Variants in MACROD2 observed in about 807,000 individuals in gnomAD.
MACROD2 encodes ADP-ribose glycohydrolase MACROD2.
Under a neutral mutation model 70.4 loss-of-function variants are expected in MACROD2, and 36 were observed. The observed-to-expected ratio is 0.51, with a 90% confidence interval of 0.39 to 0.68. MACROD2 has a LOEUF of 0.68. Ranked by LOEUF, MACROD2 falls within the 30% of genes least tolerant of loss-of-function variation. MACROD2 has a pLI of 0.00. For synonymous variants in MACROD2, 172 were observed against 178.8 expected (o/e 0.96, Z 0.30); for missense variants, 496 against 538.4 (o/e 0.92, Z 0.78).
intron 6 of MACROD2, among the ~76,000 whole-genome samples, chr20:15,384,173 A>G (rs2045680890): frequency 6.6e-6 from 1 of 152,194 alleles, no homozygotes; most frequent in South Asian, 2.1e-4. Flanking sequence ...ATTAACCCAT[A>G]GTGCATAGCC....
chr20:15,016,078 C>T (rs2075118881), intron 5 of MACROD2, among the ~76,000 whole-genome samples: 1 of 151,744 alleles, frequency 6.6e-6, no homozygotes, highest in Non-Finnish European at 1.5e-5. Context: ...CTGGAAAAAC[C>T]TCTAGCTGAA....
chr20:14,712,127 A>G (rs1463015225), intron 5 of MACROD2, among the ~76,000 whole-genome samples: 1 of 152,178 alleles, frequency 6.6e-6, no homozygotes, highest in African/African-American at 2.4e-5. Flanking sequence ...TTATTTTTTA[A>G]TATGGCCTCA....
chr20:14,646,092 T>C (rs886480975), intron 4 of MACROD2, among the ~76,000 whole-genome samples: 1 of 149,574 alleles, frequency 6.7e-6, no homozygotes, highest in Admixed American at 6.7e-5. Context: ...AGAAATAACT[T>C]GGAAAAATTT....
Position 14,878,238 on chromosome 20 carries a change from G to A in MACROD2, c.418+193279G>A, listed in dbSNP as rs575674582. ...TTTACATTCCTTAGTCTGAAGAAGGGAAGAAAGAGAACATCCTTAAACCCT... is the reference window on the plus strand; with the variant it reads ...TTTACATTCCTTAGTCTGAAGAAGGAAAGAAAGAGAACATCCTTAAACCCT... On this transcript the variant is annotated intron_variant, in intron 5 of 17. Coordinates refer to ENST00000684519, the MANE Select transcript of MACROD2 (RefSeq NM_001351661.2). 3.5e-4 allele frequency among the ~76,000 whole-genome samples: 53 copies of A among 152,258 alleles called. 1 individual carries two copies. In the Middle Eastern group the frequency reaches 0.014, roughly 39 times the overall value.
At chr20:15,837,863 T>C (rs2064131155) in intron 8 of MACROD2, among the ~76,000 whole-genome samples, 1 of 152,168 alleles carries the variant, frequency 6.6e-6, no homozygotes, top group Admixed American at 6.5e-5. Context: ...TTGAATCTCA[T>C]GCAACTTTTG....
intron 2 of MACROD2, among the ~76,000 whole-genome samples, chr20:14,043,046 G>A (rs1425834631): frequency 2.0e-5 from 3 of 151,978 alleles, no homozygotes; most frequent in African/African-American, 7.3e-5. Context: ...AGTCTCCCAA[G>A]TAGCTGGGAC....
intron 4 of MACROD2, among the ~76,000 whole-genome samples, chr20:14,601,470 C>T (rs1982493507): frequency 6.6e-6 from 1 of 151,906 alleles, no homozygotes; most frequent in South Asian, 2.1e-4. Context: ...GTTGGGGACC[C>T]CTGGTATAGA....
chr20:15,797,839 C>T (rs1255317664), intron 8 of MACROD2, among the ~76,000 whole-genome samples: 1 of 152,138 alleles, frequency 6.6e-6, no homozygotes, highest in Non-Finnish European at 1.5e-5. Context: ...TTCAGTAGGT[C>T]TGGACTAGGG....
chr20:15,942,660 G>C (rs532947304), intron 12 of MACROD2, among the ~76,000 whole-genome samples: 1 of 152,142 alleles, frequency 6.6e-6, no homozygotes, highest in African/African-American at 2.4e-5. Flanking sequence ...GGAATGTCAA[G>C]TACTCCAGAT....
chr20:15,197,987 A>G (rs1165110749), intron 5 of MACROD2, among the ~76,000 whole-genome samples: 14 of 92,036 alleles, frequency 1.5e-4, no homozygotes, highest in East Asian at 3.6e-4. Flanking sequence ...TTTGAGACGG[A>G]GTCTTGCTCT....
At chr20:15,173,475 A>G (rs1015678395) in intron 5 of MACROD2, among the ~76,000 whole-genome samples, 2 of 152,316 alleles carry the variant, frequency 1.3e-5, no homozygotes, top group African/African-American at 4.8e-5. Context: ...CACTTTGGCA[A>G]ATCGAAGGAA....
intron 2 of MACROD2, among the ~76,000 whole-genome samples, chr20:14,027,462 C>T (rs534015897): frequency 1.1e-3 from 163 of 152,202 alleles, no homozygotes; most frequent in African/African-American, 3.6e-3. Flanking sequence ...CTACTTCTGT[C>T]AATTTGTCAA....
intron 3 of MACROD2, among the ~76,000 whole-genome samples, chr20:14,131,897 C>T (rs184098393): frequency 1.3e-3 from 203 of 151,946 alleles, no homozygotes; most frequent in African/African-American, 4.6e-3. Context: ...TTTGGGAGGC[C>T]GAGTCAGGTG....
chr20:15,623,199 C>A (rs553761495), intron 8 of MACROD2, among the ~76,000 whole-genome samples: 1 of 152,204 alleles, frequency 6.6e-6, no homozygotes, highest in Non-Finnish European at 1.5e-5. Context: ...AAAACTGTTT[C>A]TAATTATTTT....
chr20:14,599,479 T>C (rs1406002972), intron 4 of MACROD2, among the ~76,000 whole-genome samples: 1 of 152,158 alleles, frequency 6.6e-6, no homozygotes, highest in African/African-American at 2.4e-5. Flanking sequence ...TGTGAGAACA[T>C]GCTGAACATT....
At chr20:15,099,171 T>C (rs1046583948) in intron 5 of MACROD2, among the ~76,000 whole-genome samples, 6 of 152,126 alleles carry the variant, frequency 3.9e-5, no homozygotes, top group Admixed American at 2.6e-4. Flanking sequence ...GAGGAAAAAA[T>C]GTTATATTAG....
intron 4 of MACROD2, chr20:14,523,557 A>T (rs747773078): frequency 9.9e-5 from 15 of 152,162 alleles, no homozygotes; most frequent in Non-Finnish European, 1.6e-4. Context: ...TTCTTCACCT[A>T]GGGTTCCTGG....
chr20:15,295,791 A>G (rs952460922), intron 6 of MACROD2, among the ~76,000 whole-genome samples: 37 of 152,188 alleles, frequency 2.4e-4, no homozygotes, highest in Non-Finnish European at 5.1e-4. Context: ...AGTATAAAGA[A>G]AGAGCAGATA....
intron 10 of MACROD2, among the ~76,000 whole-genome samples, chr20:15,896,536 C>CG (rs1555792108): frequency 2.1e-5 from 3 of 144,830 alleles, no homozygotes; most frequent in Non-Finnish European, 4.5e-5. Flanking sequence ...ATGTCACAAT[C>CG]TTTTTTTTTT....
Sources: allele counts gnomAD v4.1 joint callset (sites outside exome capture counted in the v4.1 genomes callset), GRCh38; gene constraint gnomAD v4.1.1; transcripts MANE v1.5; gene names NCBI Gene and HGNC (gene_info 2026-07-23, HGNC 2026-07-21).